Variants in DLGAP2 observed in about 807,000 individuals in gnomAD.
The protein encoded by DLGAP2 is DLG associated protein 2.
In DLGAP2, 26 loss-of-function variants were observed where a neutral mutation model predicts 100.3. The observed-to-expected ratio is 0.26, with a 90% confidence interval of 0.19 to 0.36. The LOEUF (loss-of-function observed/expected upper bound fraction) is 0.36. Ranked by LOEUF, DLGAP2 falls within the 10% of genes least tolerant of loss-of-function variation. The probability of loss-of-function intolerance (pLI) is 1.00; values close to 1 mark genes in which losing one functional copy is unlikely to be tolerated. For synonymous variants in DLGAP2, 886 were observed against 630.1 expected, an observed-to-expected ratio of 1.41 and a Z score of -6.08; for missense variants, 1,858 against 1,453.2, an observed-to-expected ratio of 1.28 and a Z score of -4.53.
intron 4 of DLGAP2, among the ~76,000 whole-genome samples, chr8:1,526,372 G>C (rs1425395269): frequency 6.6e-6 from 1 of 151,994 alleles, no homozygotes; most frequent in Admixed American, 6.6e-5. Context: ...GGGAGGAATT[G>C]GGGGCTCAGA....
chr8:1,111,096 C>T (rs1037803732), intron 2 of DLGAP2, among the ~76,000 whole-genome samples: 4 of 152,348 alleles, frequency 2.6e-5, no homozygotes, highest in East Asian at 1.9e-4. Context: ...GCTTTCTGCC[C>T]GGGCCTTCCT....
At chr8:1,227,122 T>C (rs1359134196) in intron 2 of DLGAP2, among the ~76,000 whole-genome samples, 8 of 109,220 alleles carry the variant, frequency 7.3e-5, no homozygotes, top group African/African-American at 4.2e-4. Context: ...CTGAGTGTCC[T>C]TCAACAAATG....
intron 8 of DLGAP2, among the ~76,000 whole-genome samples, chr8:1,665,738 C>A (rs1373492387): frequency 6.6e-6 from 1 of 152,260 alleles, no homozygotes; most frequent in Admixed American, 6.5e-5. Context: ...GCGCAGCGGA[C>A]ACCGGGCCTG....
At chr8:1,535,762 A>G (rs1482546184) in intron 4 of DLGAP2, among the ~76,000 whole-genome samples, 3 of 152,236 alleles carry the variant, frequency 2.0e-5, no homozygotes, top group African/African-American at 4.8e-5. Flanking sequence ...ACATATCTCC[A>G]CTTAGGACAC....
At chr8:1,246,006 T>C (rs1229251813) in intron 2 of DLGAP2, among the ~76,000 whole-genome samples, 2 of 152,204 alleles carry the variant, frequency 1.3e-5, no homozygotes, top group African/African-American at 4.8e-5. Flanking sequence ...CTCTTTCTAC[T>C]TCTACACTCA....
At chr8:1,049,752 C>T (rs1179299501) in intron 2 of DLGAP2, among the ~76,000 whole-genome samples, 1 of 135,700 alleles carries the variant, frequency 7.4e-6, no homozygotes, top group Non-Finnish European at 1.5e-5. Flanking sequence ...AACAGAGACA[C>T]ACAGACGGTG....
intron 3 of DLGAP2, among the ~76,000 whole-genome samples, chr8:1,270,784 C>T (rs915516840): frequency 3.0e-4 from 45 of 148,580 alleles, no homozygotes; most frequent in Non-Finnish European, 6.3e-4. Context: ...CTGTGTGTGT[C>T]TACCTCTCTC....
At chr8:1,162,512 AAATT>A (rs1248934732) in intron 2 of DLGAP2, among the ~76,000 whole-genome samples, 1 of 152,232 alleles carries the variant, frequency 6.6e-6, no homozygotes, top group Non-Finnish European at 1.5e-5. Context: ...AATACAGAGA[AAATT>A]AAGCAGGTTT....
At chr8:1,156,952 T>A (rs1796803381) in intron 2 of DLGAP2, among the ~76,000 whole-genome samples, 1 of 152,114 alleles carries the variant, frequency 6.6e-6, no homozygotes, top group African/African-American at 2.4e-5. Flanking sequence ...TTCCTTGTCT[T>A]CACCGTGCTT....
chr8:1,417,671 G>A lies in DLGAP2; in HGVS notation c.107-83695G>A, dbSNP rs1387204651. On this transcript the variant is annotated intron_variant, in intron 3 of 14. Transcript: ENST00000637795. ...GAGCCCCACTCCTGCCTCACTCCGC[G>A]AGGCTCCAGGGGGGCACAGGGGGCC... 6.8e-5 allele frequency among the ~76,000 whole-genome samples: 10 copies of A among 146,758 alleles called. 2 individuals carry two copies. Among genetic ancestry groups the A allele is most frequent in the Non-Finnish European group, 1.2e-4 (8 of 66,566 alleles).
At chr8:1,235,095 TCG>T (rs1798617058) in intron 2 of DLGAP2, among the ~76,000 whole-genome samples, 3 of 15,142 alleles carry the variant, frequency 2.0e-4, no homozygotes, top group Non-Finnish European at 4.2e-4. Context: ...TCACATGGCG[TCG>T]TGTCTAGTTC....
intron 1 of DLGAP2, among the ~76,000 whole-genome samples, chr8:883,032 C>G (rs1266337933): frequency 1.3e-5 from 2 of 152,262 alleles, no homozygotes; most frequent in Non-Finnish European, 2.9e-5. Flanking sequence ...TCCTCTAACA[C>G]AATCTTCCTG....
At chr8:1,093,014 G>T (rs1422891284) in intron 2 of DLGAP2, among the ~76,000 whole-genome samples, 1 of 152,176 alleles carries the variant, frequency 6.6e-6, no homozygotes, top group African/African-American at 2.4e-5. Context: ...GTAGGCCATG[G>T]GCAGGCGCCC....
chr8:905,142 G>A (rs1798351896), intron 1 of DLGAP2, among the ~76,000 whole-genome samples: 1 of 152,164 alleles, frequency 6.6e-6, no homozygotes. Context: ...GAAGGTTGAT[G>A]ATTTGTCTTG....
At chr8:1,570,053 T>G (rs1041910578) in intron 6 of DLGAP2, among the ~76,000 whole-genome samples, 9 of 152,242 alleles carry the variant, frequency 5.9e-5, no homozygotes, top group African/African-American at 2.2e-4. Flanking sequence ...TAGTTGTCAC[T>G]CTGTAACCCT....
At chr8:1,193,584 T>C (rs1797684589) in intron 2 of DLGAP2, among the ~76,000 whole-genome samples, 1 of 152,242 alleles carries the variant, frequency 6.6e-6, no homozygotes, top group Non-Finnish European at 1.5e-5. Context: ...TATACGCTGC[T>C]GTGTCCACAC....
At chr8:1,577,921 T>C (rs1803059464) in intron 6 of DLGAP2, among the ~76,000 whole-genome samples, 1 of 152,224 alleles carries the variant, frequency 6.6e-6, no homozygotes, top group Non-Finnish European at 1.5e-5. Context: ...GCGCGAGTGC[T>C]CATAGCTGCC....
Position 1,236,925 on chromosome 8 carries a change from G to A in DLGAP2, c.74-21926G>A, listed in dbSNP as rs1324810485. 5.5e-4 allele frequency among the ~76,000 whole-genome samples: 73 copies of A among 133,906 alleles called. 1 individual carries two copies. The highest frequency in any genetic ancestry group is 1.9e-3 in the African/African-American group (66 of 35,242). 87.8% of individuals were successfully genotyped at this position (133,906 alleles called of 152,430 possible). On this transcript the variant is annotated intron_variant, in intron 2 of 14. Coordinates refer to ENST00000637795, the MANE Select transcript of DLGAP2 (RefSeq NM_001346810.2). ...ATGTTTAGTTCTCTCACATGGTGCC[G>A]TGTCTAGTTCTCTCACATGGCGCCG... is the stretch of plus-strand genomic sequence containing the variant.
intron 4 of DLGAP2, among the ~76,000 whole-genome samples, chr8:1,513,910 C>G (rs1380127793): frequency 1.3e-5 from 2 of 152,196 alleles, no homozygotes; most frequent in Non-Finnish European, 2.9e-5. Context: ...ATTCATCCAT[C>G]CATTTCAGCA....
Sources: gnomAD v4.1 joint callset for allele counts (sites outside exome capture counted in the v4.1 genomes callset) on GRCh38, gnomAD v4.1.1 for gene constraint, MANE v1.5 for transcripts, NCBI Gene and HGNC (gene_info 2026-07-23, HGNC 2026-07-21) for gene names.